The following TUSC3 variants were observed in gnomAD, a reference collection of about 807,000 sequenced individuals.
TUSC3 encodes dolichyl-diphosphooligosaccharide--protein glycosyltransferase subunit TUSC3.
Under a neutral mutation model 44.8 loss-of-function variants are expected in TUSC3, and 45 were observed. The observed-to-expected ratio is 1.00, with a 90% CI of 0.79 to 1.29. TUSC3 has a LOEUF of 1.29. Ranked by LOEUF, TUSC3 falls within the 50% of genes most tolerant of loss-of-function variation. The pLI is 0.00. For missense variants in TUSC3, 519 were observed against 437.9 expected, an observed-to-expected ratio of 1.19 and a Z score of -1.65; for synonymous variants, 212 against 152.9, an observed-to-expected ratio of 1.39 and a Z score of -2.85.
At chr8:15,462,361 A>G (rs1373871461) in intron 1 of TUSC3, among the ~76,000 whole-genome samples, 2 of 152,108 alleles carry the variant, frequency 1.3e-5, no homozygotes, top group East Asian at 1.9e-4. Flanking sequence ...ATCTGAAAAG[A>G]CATTTCTCCA....
At chr8:15,677,207 C>T (rs1367755792) in intron 6 of TUSC3, among the ~76,000 whole-genome samples, 1 of 151,968 alleles carries the variant, frequency 6.6e-6, no homozygotes, top group Non-Finnish European at 1.5e-5. Context: ...ACTGTGTTGT[C>T]CAGGGTGGTC....
the TUSC3 span, among the ~76,000 whole-genome samples, chr8:15,797,964 A>G: frequency 6.6e-6 from 1 of 152,006 alleles, no homozygotes; most frequent in Admixed American, 6.5e-5. Context: ...ATCTCTTACT[A>G]TTCTTTCTAC....
intron 2 of TUSC3, among the ~76,000 whole-genome samples, chr8:15,517,224 A>T (rs1327642967): frequency 6.6e-6 from 1 of 152,168 alleles, no homozygotes; most frequent in Admixed American, 6.5e-5. Context: ...AATGTTATAG[A>T]TGGAGAAACT....
intron 7 of TUSC3, among the ~76,000 whole-genome samples, chr8:15,737,274 T>G (rs1810977166): frequency 6.6e-6 from 1 of 152,180 alleles, no homozygotes; most frequent in Non-Finnish European, 1.5e-5. Flanking sequence ...CAACGTCTAT[T>G]TACATTTATC....
chr8:15,797,680 C>T, the TUSC3 span, among the ~76,000 whole-genome samples: 3 of 152,292 alleles, frequency 2.0e-5, no homozygotes, highest in African/African-American at 7.2e-5. Flanking sequence ...TCGGGGAGTA[C>T]AGCAACCATA....
chr8:15,852,043 C>G, the TUSC3 span, among the ~76,000 whole-genome samples: 1 of 152,122 alleles, frequency 6.6e-6, no homozygotes, highest in Non-Finnish European at 1.5e-5. Context: ...GAGGCCTCCC[C>G]AGCCACGTGG....
chr8:15,434,452 T>G (rs1291757946), intron 1 of TUSC3, among the ~76,000 whole-genome samples: 1 of 152,048 alleles, frequency 6.6e-6, no homozygotes, highest in Non-Finnish European at 1.5e-5. Context: ...CTTTCAAAGA[T>G]GAAATCTTGT....
chr8:15,473,939 A>G (rs1304809720), intron 1 of TUSC3, among the ~76,000 whole-genome samples: 2 of 152,272 alleles, frequency 1.3e-5, no homozygotes, highest in East Asian at 1.9e-4. Context: ...TCTCCAACCT[A>G]GTAAGCCTGA....
At chr8:15,661,783 A>G (rs1807437888) in intron 4 of TUSC3, among the ~76,000 whole-genome samples, 1 of 133,686 alleles carries the variant, frequency 7.5e-6, no homozygotes, top group Non-Finnish European at 1.6e-5. Context: ...TTTCTATAAG[A>G]TACTTACAGC....
At chr8:15,536,921 A>G (rs572856931), upstream of TUSC3, among the ~76,000 whole-genome samples, 110 of 152,058 alleles carry the variant, frequency 7.2e-4, no homozygotes, top group African/African-American at 2.7e-3. Flanking sequence ...CTTACTTTTC[A>G]TTCTGACTCT....
At chr8:15,491,524 T>G (rs1229701080) in intron 2 of TUSC3, among the ~76,000 whole-genome samples, 6 of 152,340 alleles carry the variant, frequency 3.9e-5, no homozygotes, top group Non-Finnish European at 7.3e-5. Context: ...TGAAGAAATT[T>G]CTAGTCAAGA....
At chr8:15,700,078 T>G (rs1376138948) in intron 6 of TUSC3, among the ~76,000 whole-genome samples, 1 of 152,124 alleles carries the variant, frequency 6.6e-6, no homozygotes, top group Non-Finnish European at 1.5e-5. Context: ...TTCCTTAGAT[T>G]GAAAACAGGA....
chr8:15,829,246 A>G, the TUSC3 span, among the ~76,000 whole-genome samples: 2 of 152,190 alleles, frequency 1.3e-5, no homozygotes, highest in African/African-American at 4.8e-5. Flanking sequence ...CAAAGAATCA[A>G]CTTCACTCAT....
At chr8:15,614,768 A>G (rs17121724) in intron 1 of TUSC3, among the ~76,000 whole-genome samples, 3,570 of 152,216 alleles carry the variant, frequency 0.023, 131 homozygotes, top group African/African-American at 0.081. Context: ...CCTTGGACAT[A>G]GTAATCTGTG....
intron 6 of TUSC3, among the ~76,000 whole-genome samples, chr8:15,680,941 T>C (rs951759437): frequency 6.6e-5 from 10 of 152,148 alleles, no homozygotes; most frequent in Non-Finnish European, 1.5e-4. Flanking sequence ...TCCTTGATTA[T>C]AGTGAATTAA....
chr8:15,435,420 A>G (rs1488616849), intron 1 of TUSC3, among the ~76,000 whole-genome samples: 3 of 152,204 alleles, frequency 2.0e-5, no homozygotes, highest in African/African-American at 4.8e-5. Flanking sequence ...TTTGATTTTA[A>G]TACATAAACT....
At chr8:15,625,923 A>C (rs1237746279) in intron 2 of TUSC3, among the ~76,000 whole-genome samples, 2 of 152,244 alleles carry the variant, frequency 1.3e-5, no homozygotes, top group Non-Finnish European at 2.9e-5. Context: ...GAGAGTGTAT[A>C]AACACTATTG....
At chr8:15,596,718 G>GTGGT (rs1804086112) in intron 1 of TUSC3, among the ~76,000 whole-genome samples, 1 of 152,116 alleles carries the variant, frequency 6.6e-6, no homozygotes, top group African/African-American at 2.4e-5. Context: ...AGTGGGAGAT[G>GTGGT]TGGTGTGGGT....
At chr8:15,673,643 C>A in intron 5 of TUSC3, 104 bp from the exon 6 acceptor site, 1 of 986,138 alleles carries the variant, frequency 1.0e-6, no homozygotes, top group South Asian at 1.3e-5. Flanking sequence ...TGAGCTGATA[C>A]ATGATTTTTA....
Sources: gnomAD v4.1 joint callset for allele counts (sites outside exome capture counted in the v4.1 genomes callset) on GRCh38, gnomAD v4.1.1 for gene constraint, MANE v1.5 for transcripts, NCBI Gene and HGNC (gene_info 2026-07-23, HGNC 2026-07-21) for gene names.